Variants in KIF1B observed in about 807,000 individuals in gnomAD.
KIF1B encodes kinesin-like protein KIF1B.
A neutral mutation model predicts 241.9 loss-of-function variants in KIF1B; 76 were observed. The observed-to-expected ratio is 0.31, with a 90% CI of 0.26 to 0.38. The LOEUF is 0.38. Ranked by LOEUF, KIF1B falls within the 10% of genes least tolerant of loss-of-function variation. KIF1B has a pLI of 1.00. For missense variants in KIF1B, 1,622 were observed against 2,271.4 expected (o/e 0.71, Z 5.81); for synonymous variants, 750 against 796.7 (o/e 0.94, Z 0.99).
intron 2 of KIF1B, among the ~76,000 whole-genome samples, chr1:10,240,103 C>T (rs1050474861): frequency 8.5e-5 from 13 of 152,142 alleles, no homozygotes; most frequent in East Asian, 5.8e-4. Flanking sequence ...AGGGTTTCCC[C>T]GTATTGGCCA....
chr1:10,309,578 G>A lies in KIF1B; in HGVS notation c.2116-10465G>A, dbSNP rs901339788. Among the ~76,000 whole-genome samples, 8 of 151,326 alleles carry A rather than the reference G, an allele frequency of 5.3e-5. 1 individual carries two copies. The highest frequency in any genetic ancestry group is 1.5e-4 in the African/African-American group (6 of 40,686). ...CTTTAATGTCTAAAACAGCCTAACC[G>A]GAAAACTCAGAATGGTGATATTGAT... On this transcript the variant is annotated intron_variant, in intron 22 of 48. Transcript: ENST00000676179.
At chr1:10,286,944 C>A (rs976924130) in intron 15 of KIF1B, among the ~76,000 whole-genome samples, 1 of 152,030 alleles carries the variant, frequency 6.6e-6, no homozygotes, top group African/African-American at 2.4e-5. Context: ...TACATTAGGC[C>A]CCTAGAGTGG....
At chr1:10,324,120 C>A in intron 25 of KIF1B, 58 bp downstream of exon 25, 8 of 1,043,956 alleles carry the variant, frequency 7.7e-6, no homozygotes, top group Non-Finnish European at 1.1e-5. Flanking sequence ...ATGACCTGCT[C>A]AAGTGAGCTC....
intron 24 of KIF1B, 103 bp downstream of exon 24, chr1:10,321,960 G>C: frequency 8.0e-7 from 1 of 1,245,832 alleles, no homozygotes; most frequent in East Asian, 2.4e-5. Flanking sequence ...GGGGAACTCA[G>C]CTGCTTTGTG....
intron 12 of KIF1B, 112 bp downstream of exon 12, chr1:10,276,511 T>C: frequency 2.7e-6 from 2 of 752,616 alleles, no homozygotes; most frequent in South Asian, 3.0e-5. Context: ...TAAATAATGT[T>C]CCTTTCCTCT....
At chr1:10,256,061 G>A (rs899012682) in intron 2 of KIF1B, among the ~76,000 whole-genome samples, 186 bp from the exon 3 acceptor site, 1 of 151,580 alleles carries the variant, frequency 6.6e-6, no homozygotes, top group Non-Finnish European at 1.5e-5. Flanking sequence ...CACCCAGCTC[G>A]GACTCTCAAA....
Position 10,376,676 on chromosome 1 carries a change from TG to T in KIF1B, c.*90del. 2.3e-6 allele frequency: 3 copies of T among 1,329,866 alleles called. No individual in the cohort carries two copies. Among genetic ancestry groups the T allele is most frequent in the Non-Finnish European group, 3.2e-6 (3 of 923,118 alleles). 82.4% of individuals were successfully genotyped at this position (1,329,866 alleles called of 1,614,324 possible). A position where few individuals can be genotyped will look rare whatever the true frequency, so the allele number is the denominator to read the frequency against. Reference sequence around the variant, plus strand: ...CTTTGTGATTCTTGACGGTGACTCTTGTATGTAATCCTGTGGCTTAACTACT... The same window carrying T: ...CTTTGTGATTCTTGACGGTGACTCTTTATGTAATCCTGTGGCTTAACTACT... On this transcript the variant is annotated 3_prime_UTR_variant, in exon 49 of 49. Transcript: ENST00000676179.
chr1:10,295,062 T>C (rs568937072), intron 17 of KIF1B, 24 bp from the exon 18 acceptor site: 51 of 1,527,916 alleles, frequency 3.3e-5, no homozygotes, highest in Middle Eastern at 1.7e-4. Flanking sequence ...CTGCTCCAAA[T>C]TGATCATCTG....
At position 10,377,756 on chromosome 1, in the gene KIF1B, A is replaced by T. The variant is rs1395368861; in HGVS notation, c.*1169A>T. ...GTTCAAGACCAGCCTGGCCAATATG[A>T]TGAAACCCCGTCTCTACTAAAAATA... On this transcript the variant is annotated 3_prime_UTR_variant, in exon 49 of 49. Transcript: ENST00000676179. 1 of 184,396 alleles carries T rather than the reference A, an allele frequency of 5.4e-6. No homozygotes were observed. The highest frequency in any genetic ancestry group is 2.3e-5 in the African/African-American group (1 of 42,570). 11.4% of individuals were successfully genotyped at this position (184,396 alleles called of 1,614,324 possible).
At chr1:10,318,354 TTTGG>T (rs1363674810) in intron 22 of KIF1B, among the ~76,000 whole-genome samples, 1 of 151,496 alleles carries the variant, frequency 6.6e-6, no homozygotes, top group African/African-American at 2.5e-5. Flanking sequence ...GAGAGCTCTG[TTTGG>T]AAACAGTGGA....
At chr1:10,254,672 C>T (rs1361567972) in intron 2 of KIF1B, among the ~76,000 whole-genome samples, 1 of 151,750 alleles carries the variant, frequency 6.6e-6, no homozygotes, top group Admixed American at 6.6e-5. Context: ...GTCAGGAGAT[C>T]AAGACCATCC....
chr1:10,260,521 A>T (rs983718431), intron 4 of KIF1B, among the ~76,000 whole-genome samples: 1 of 152,188 alleles, frequency 6.6e-6, no homozygotes, highest in African/African-American at 2.4e-5. Flanking sequence ...TACTTTATAA[A>T]CTTTAAAATT....
rs187694809 is a variant in KIF1B at position 10,291,437 on chromosome 1, G to A, written c.1514+276G>A. 1.4e-3 allele frequency among the ~76,000 whole-genome samples: 216 copies of A among 152,216 alleles called. 1 individual carries two copies. Among genetic ancestry groups the A allele is most frequent in the African/African-American group, 4.5e-3 (187 of 41,544 alleles). ...TAAAAATGGAACATATTGGCCAGGC[G>A]CGGTGGCTCACGCCTGTAATGCCAG... is the stretch of plus-strand genomic sequence containing the variant. On this transcript the variant is annotated intron_variant, in intron 16 of 48. Coordinates refer to ENST00000676179, the MANE Select transcript of KIF1B (RefSeq NM_001365951.3).
intron 1 of KIF1B, among the ~76,000 whole-genome samples, chr1:10,225,264 C>G (rs2102112393): frequency 6.6e-6 from 1 of 152,164 alleles, no homozygotes; most frequent in South Asian, 2.1e-4. Context: ...CTGCAGTGAG[C>G]TGAGATGGTT....
chr1:10,276,753 GT>G (rs139065359), intron 12 of KIF1B, among the ~76,000 whole-genome samples: 5,347 of 152,220 alleles, frequency 0.035, 114 homozygotes, highest in Middle Eastern at 0.13. Context: ...ATAAAAAGAA[GT>G]GTCCCCCTTC....
At chr1:10,253,753 T>C (rs4846207) in intron 2 of KIF1B, among the ~76,000 whole-genome samples, 51,361 of 152,162 alleles carry the variant, frequency 0.34, 8,830 homozygotes, top group Admixed American at 0.38. Flanking sequence ...GTTAGAAGTA[T>C]ACTTCTTTGC....
At position 10,282,355 on chromosome 1, in the gene KIF1B, A is replaced by G. The variant is rs759109704; in HGVS notation, c.1256A>G (p.Tyr419Cys). Residue 419 changes from tyrosine (Y) to cysteine (C), a missense_variant, in exon 15 of 49, where the codon TAC (tyrosine) becomes TGC (cysteine). Coordinates refer to ENST00000676179, the MANE Select transcript of KIF1B (RefSeq NM_001365951.3). ...LKDFQNNKHR[Y>C]LLASENQRPG... ...GATTTTCAGAACAATAAGCATAGAT[A>G]CTTGCTAGCCTCTGAGAATCAACGC... The G allele has an allele frequency of 1.9e-6, 3 of 1,614,084 alleles. No individual in the cohort carries two copies. Among genetic ancestry groups the G allele is most frequent in the Admixed American group, 1.7e-5 (1 of 60,002 alleles).
intron 39 of KIF1B, 57 bp downstream of exon 39, chr1:10,361,100 G>A (rs928594486): frequency 3.1e-5 from 35 of 1,111,796 alleles, no homozygotes; most frequent in Non-Finnish European, 4.7e-5. Context: ...CAGTGTGCAG[G>A]TTACAGCAGG....
intron 23 of KIF1B, among the ~76,000 whole-genome samples, chr1:10,320,377 G>C (rs1200639819): frequency 6.8e-6 from 1 of 146,418 alleles, no homozygotes; most frequent in Non-Finnish European, 1.6e-5. Context: ...TTCTGAGCAC[G>C]TTCATTTAAA....
Sources: allele counts gnomAD v4.1 joint callset (sites outside exome capture counted in the v4.1 genomes callset), GRCh38; gene constraint gnomAD v4.1.1; transcripts MANE v1.5; gene names NCBI Gene and HGNC (gene_info 2026-07-23, HGNC 2026-07-21).